Variants in MB21D2 observed in about 807,000 individuals in gnomAD.
The protein encoded by MB21D2 is Mab-21 domain containing 2.
MB21D2 carries 9 observed loss-of-function variants against 33.3 expected under a neutral mutation model. That is an observed-to-expected ratio of 0.27 (90% CI 0.16 to 0.47). The LOEUF (loss-of-function observed/expected upper bound fraction) is 0.47, where lower values mean the gene tolerates loss of function less well. Among genes scored for constraint, MB21D2 ranks in the 20% least tolerant of loss-of-function variants. The pLI is 0.99. For missense variants in MB21D2, 540 were observed against 624.6 expected (o/e 0.86, Z 1.44); for synonymous variants, 241 against 236.3 (o/e 1.02, Z -0.18).
At chr3:192,837,205 C>G (rs1305492452) in intron 1 of MB21D2, among the ~76,000 whole-genome samples, 1 of 152,156 alleles carries the variant, frequency 6.6e-6, no homozygotes, top group Non-Finnish European at 1.5e-5. Flanking sequence ...CGTTTCCTCC[C>G]GAGAGAGCTC....
chr3:192,805,901 A>C (rs1711651091), intron 1 of MB21D2, among the ~76,000 whole-genome samples: 1 of 152,232 alleles, frequency 6.6e-6, no homozygotes, highest in Non-Finnish European at 1.5e-5. Context: ...GATTCCACGG[A>C]GTTATTTTAA....
intron 1 of MB21D2, among the ~76,000 whole-genome samples, chr3:192,849,518 A>G (rs945003691): frequency 2.0e-5 from 3 of 152,104 alleles, no homozygotes; most frequent in Non-Finnish European, 2.9e-5. Context: ...GGGTTTCACC[A>G]TGTTGGTCAG....
At chr3:192,899,603 G>A (rs1714050685) in intron 1 of MB21D2, among the ~76,000 whole-genome samples, 1 of 152,232 alleles carries the variant, frequency 6.6e-6, no homozygotes, top group African/African-American at 2.4e-5. Flanking sequence ...TCAGCATGGA[G>A]AAGGGCTTGA....
chr3:192,889,802 C>T (rs747609546), intron 1 of MB21D2, among the ~76,000 whole-genome samples: 3 of 152,092 alleles, frequency 2.0e-5, no homozygotes, highest in Non-Finnish European at 4.4e-5. Context: ...CATTATAACT[C>T]TTATCACTGC....
At chr3:192,887,355 C>T (rs538141924) in intron 1 of MB21D2, among the ~76,000 whole-genome samples, 18 of 152,006 alleles carry the variant, frequency 1.2e-4, no homozygotes, top group East Asian at 7.7e-4. Context: ...GGAAAAAAGA[C>T]GTTGCTTAAT....
At chr3:192,816,094 C>T (rs1711915988) in intron 1 of MB21D2, among the ~76,000 whole-genome samples, 1 of 152,016 alleles carries the variant, frequency 6.6e-6, no homozygotes, top group South Asian at 2.1e-4. Context: ...TATCAATTGT[C>T]CCAGGGTTGA....
rs183899210 is a variant in MB21D2, at chr3:192,909,774, T to C, written c.211+7856A>G. Among the ~76,000 whole-genome samples the C allele has an allele frequency of 1.9e-4, 28 of 150,132 alleles. No individual in the cohort carries two copies. The East Asian group carries it at 5.1e-3, about 28-fold the overall frequency. On this transcript the variant is annotated intron_variant, in intron 1 of 1. Transcript: ENST00000392452. ...GGCGAAACCCCATCTCTACTAAAAA[T>C]ACAAAAAATTAGCTAGGCATGGTGG... is the stretch of plus-strand genomic sequence containing the variant.
At chr3:192,831,823 G>A (rs1202857165) in intron 1 of MB21D2, among the ~76,000 whole-genome samples, 1 of 152,186 alleles carries the variant, frequency 6.6e-6, no homozygotes, top group Non-Finnish European at 1.5e-5. Flanking sequence ...AATAACAGAT[G>A]AAAAGACTGG....
At chr3:192,883,031 C>T (rs1413109576) in intron 1 of MB21D2, among the ~76,000 whole-genome samples, 1 of 151,886 alleles carries the variant, frequency 6.6e-6, no homozygotes, top group Admixed American at 6.6e-5. Context: ...CCACGCCCGG[C>T]TAATTTTTGT....
At chr3:192,800,502 T>C (rs1180687212) in intron 1 of MB21D2, among the ~76,000 whole-genome samples, 1 of 152,226 alleles carries the variant, frequency 6.6e-6, no homozygotes, top group Non-Finnish European at 1.5e-5. Flanking sequence ...CAGTAGGTTC[T>C]TTACCACTGA....
chr3:192,834,093 C>T lies in MB21D2; in HGVS notation c.212-34443G>A, dbSNP rs111848064. Among the ~76,000 whole-genome samples the T allele has an allele frequency of 3.6e-4, 55 of 152,236 alleles. No individual in the cohort carries two copies. In the Middle Eastern group the frequency reaches 0.017, roughly 47 times the overall value. On this transcript the variant is annotated intron_variant, in intron 1 of 1. Coordinates refer to ENST00000392452, the MANE Select transcript of MB21D2 (RefSeq NM_178496.4). ...TACATGGTACATGGCAGGTACTCTG[C>T]CAATTTGTGTGAATGAATGAATCGA...
intron 1 of MB21D2, among the ~76,000 whole-genome samples, chr3:192,896,691 A>G (rs1577199986): frequency 6.6e-6 from 1 of 152,248 alleles, no homozygotes; most frequent in African/African-American, 2.4e-5. Flanking sequence ...CTGGCCCAGT[A>G]TCTTGTTAGC....
At chr3:192,858,852 C>CA (rs1228199099) in intron 1 of MB21D2, among the ~76,000 whole-genome samples, 1 of 152,214 alleles carries the variant, frequency 6.6e-6, no homozygotes, top group African/African-American at 2.4e-5. Flanking sequence ...GCTCTATTTA[C>CA]AGCGTACAAA....
intron 1 of MB21D2, among the ~76,000 whole-genome samples, chr3:192,873,604 C>A (rs1233308271): frequency 6.6e-6 from 1 of 152,194 alleles, no homozygotes; most frequent in African/African-American, 2.4e-5. Context: ...CTGTTGGGCC[C>A]CTCTCTTGTT....
chr3:192,893,261 T>A (rs1472210926), intron 1 of MB21D2, among the ~76,000 whole-genome samples: 1 of 152,202 alleles, frequency 6.6e-6, no homozygotes, highest in Admixed American at 6.5e-5. Flanking sequence ...CTTCTTCGAA[T>A]GAGAACCGAA....
chr3:192,895,228 T>C (rs923889215), intron 1 of MB21D2, among the ~76,000 whole-genome samples: 2 of 152,166 alleles, frequency 1.3e-5, no homozygotes, highest in East Asian at 1.9e-4. Flanking sequence ...GCCCAACCCA[T>C]GTCACCACCT....
At chr3:192,841,697 G>GA (rs1160219391) in intron 1 of MB21D2, among the ~76,000 whole-genome samples, 1 of 152,254 alleles carries the variant, frequency 6.6e-6, no homozygotes, top group African/African-American at 2.4e-5. Context: ...CTGACCCTCG[G>GA]AAACTATGGG....
At chr3:192,856,077 A>G (rs1425926640) in intron 1 of MB21D2, among the ~76,000 whole-genome samples, 2 of 152,186 alleles carry the variant, frequency 1.3e-5, no homozygotes, top group South Asian at 2.1e-4. Flanking sequence ...TAAAAACTTA[A>G]TAAGAAAATA....
chr3:192,831,401 GT>G (rs2108620874), intron 1 of MB21D2, among the ~76,000 whole-genome samples: 1 of 152,330 alleles, frequency 6.6e-6, no homozygotes, highest in Admixed American at 6.5e-5. Context: ...CCAAGAAACT[GT>G]GAGATCATAA....
Sources: allele counts gnomAD v4.1 joint callset (sites outside exome capture counted in the v4.1 genomes callset), GRCh38; gene constraint gnomAD v4.1.1; transcripts MANE v1.5; gene names NCBI Gene and HGNC (gene_info 2026-07-23, HGNC 2026-07-21).